The following PATJ variants were observed in gnomAD, a reference collection of about 807,000 sequenced individuals.
PATJ encodes the protein inaD-like protein.
A neutral mutation model predicts 224.9 loss-of-function variants in PATJ; 190 were observed. That is an observed-to-expected ratio of 0.84 (90% CI 0.75 to 0.95). The LOEUF (loss-of-function observed/expected upper bound fraction) is 0.95. Ranked by LOEUF, PATJ falls within the 40% of genes least tolerant of loss-of-function variation. PATJ has a pLI of 0.00. For synonymous variants in PATJ, 769 were observed against 820.3 expected, an observed-to-expected ratio of 0.94 and a Z score of 1.07; for missense variants, 2,121 against 2,270.3, an observed-to-expected ratio of 0.93 and a Z score of 1.34.
chr1:61,894,274 A>AC (rs1386877321), intron 22 of PATJ, among the ~76,000 whole-genome samples: 1 of 147,160 alleles, frequency 6.8e-6, no homozygotes, highest in African/African-American at 2.6e-5. Flanking sequence ...AAAAAACACA[A>AC]AAAAAAAACA....
At chr1:61,806,368 C>G (rs12078688) in intron 13 of PATJ, among the ~76,000 whole-genome samples, 5,137 of 152,138 alleles carry the variant, frequency 0.034, 264 homozygotes, top group African/African-American at 0.1. Flanking sequence ...GCCTGTAATT[C>G]CAGCACTTTG....
At chr1:61,819,405 C>A (rs1486044662) in intron 14 of PATJ, among the ~76,000 whole-genome samples, 1 of 152,086 alleles carries the variant, frequency 6.6e-6, no homozygotes, top group East Asian at 1.9e-4. Context: ...TGTCTACTTA[C>A]CTTTTTGCCT....
chr1:62,099,884 G>T (rs575751481), intron 33 of PATJ, among the ~76,000 whole-genome samples: 100 of 152,222 alleles, frequency 6.6e-4, no homozygotes, highest in African/African-American at 2.3e-3. Flanking sequence ...TGACAATAAG[G>T]TTGCCTTTTG....
chr1:61,973,195 C>T (rs772835160), intron 27 of PATJ, among the ~76,000 whole-genome samples: 1 of 152,012 alleles, frequency 6.6e-6, no homozygotes. Flanking sequence ...TCTGCCTACA[C>T]GAGACAGAAT....
intron 27 of PATJ, among the ~76,000 whole-genome samples, chr1:61,978,545 A>G (rs1198063221): frequency 6.6e-6 from 1 of 152,022 alleles, no homozygotes. Flanking sequence ...GATTACAGGC[A>G]TGAGCCACTG....
chr1:62,102,242 C>T (rs1206572389), intron 33 of PATJ, among the ~76,000 whole-genome samples: 2 of 152,056 alleles, frequency 1.3e-5, no homozygotes, highest in African/African-American at 4.8e-5. Context: ...CTGGTCTTGT[C>T]TGAAGCAGTA....
intron 27 of PATJ, among the ~76,000 whole-genome samples, chr1:61,930,664 C>T (rs1675895021): frequency 6.6e-6 from 1 of 152,042 alleles, no homozygotes; most frequent in Non-Finnish European, 1.5e-5. Context: ...CCTCAGTTTC[C>T]CAAGTAGCTG....
intron 14 of PATJ, among the ~76,000 whole-genome samples, chr1:61,812,581 G>A (rs151136265): frequency 3.1e-4 from 47 of 152,052 alleles, no homozygotes; most frequent in African/African-American, 1.1e-3. Flanking sequence ...AGGCACAGTG[G>A]CTCACACCTG....
chr1:61,792,040 C>A (rs1393944311), intron 9 of PATJ, among the ~76,000 whole-genome samples: 1 of 152,046 alleles, frequency 6.6e-6, no homozygotes, highest in African/African-American at 2.4e-5. Context: ...ATAAACCTTT[C>A]CACAAATATT....
chr1:62,139,399 CAAAAAAAAAAAA>C (rs4019658), intron 41 of PATJ, among the ~76,000 whole-genome samples: 5 of 94,904 alleles, frequency 5.3e-5, no homozygotes, highest in South Asian at 4.6e-4. Flanking sequence ...GACTCCATCT[CAAAAAAAAAAAA>C]AAAAAAAAAA....
In PATJ at chr1:61,805,525, G is replaced by T; in HGVS notation, c.1626+1G>T. 1 of 1,550,322 alleles carries T rather than the reference G, an allele frequency of 6.5e-7. No individual in the cohort carries two copies. The highest frequency in any genetic ancestry group is 8.9e-7 in the Non-Finnish European group (1 of 1,122,528). On this transcript the variant is annotated splice_donor_variant, in intron 13 of 43. Transcript: ENST00000642238. LOFTEE classifies it high-confidence loss of function. The stretch of plus-strand genomic sequence containing the variant: ...GTTGGGTCCTGATTATGAAGTAATG[G>T]TATGTTAAAATGCTCTAATAAAAAA...
rs79099415 is a variant in PATJ, at chr1:62,028,820, A to G, written c.3960-9157A>G. On this transcript the variant is annotated intron_variant, in intron 29 of 43. Coordinates refer to ENST00000642238, the MANE Select transcript of PATJ (RefSeq NM_001350145.3). ...AAAGAAAAGAAAAGCCAGAAATGGT[A>G]GCCTGTACCTGTAGTCCCAGCTATT... Among the ~76,000 whole-genome samples, 264 of 151,906 alleles carry G rather than the reference A, an allele frequency of 1.7e-3. 2 individuals carry two copies. In the East Asian group the frequency reaches 0.047, roughly 27 times the overall value.
intron 29 of PATJ, among the ~76,000 whole-genome samples, chr1:62,020,705 T>A (rs896918327): frequency 6.6e-6 from 1 of 152,256 alleles, no homozygotes; most frequent in Non-Finnish European, 1.5e-5. Flanking sequence ...TTACTGGAAG[T>A]GATTTTAAGC....
intron 27 of PATJ, among the ~76,000 whole-genome samples, chr1:61,937,650 CT>C (rs370155855): frequency 0.048 from 6,451 of 133,032 alleles, 502 homozygotes; most frequent in African/African-American, 0.16. Flanking sequence ...CTTTCTTCTT[CT>C]TTTTTTTTTT....
chr1:61,942,642 C>T (rs1677992842), intron 27 of PATJ, among the ~76,000 whole-genome samples: 1 of 151,932 alleles, frequency 6.6e-6, no homozygotes, highest in South Asian at 2.1e-4. Flanking sequence ...CCTCTGCCTC[C>T]CGGGTTTAAG....
At chr1:62,020,330 A>G (rs1189026265) in intron 29 of PATJ, among the ~76,000 whole-genome samples, 5 of 152,230 alleles carry the variant, frequency 3.3e-5, no homozygotes, top group Non-Finnish European at 1.5e-5. Context: ...GGCTGCTACC[A>G]CAAGAGCTGT....
chr1:61,792,473 T>C (rs761183535), intron 9 of PATJ, among the ~76,000 whole-genome samples: 20 of 152,324 alleles, frequency 1.3e-4, no homozygotes, highest in African/African-American at 4.3e-4. Context: ...ATTTAATGTT[T>C]ATATTACTGG....
intron 31 of PATJ, among the ~76,000 whole-genome samples, chr1:62,058,790 G>A (rs1654952024): frequency 6.6e-6 from 1 of 152,196 alleles, no homozygotes; most frequent in Admixed American, 6.5e-5. Flanking sequence ...CTAGGCATGT[G>A]AAGATAAGTA....
chr1:62,138,774 C>T (rs1213244759), intron 41 of PATJ, among the ~76,000 whole-genome samples: 2 of 152,234 alleles, frequency 1.3e-5, no homozygotes, highest in South Asian at 2.1e-4. Context: ...AGCTGCAGAT[C>T]TTAGGATTGG....
Sources: allele counts gnomAD v4.1 joint callset (sites outside exome capture counted in the v4.1 genomes callset), GRCh38; gene constraint gnomAD v4.1.1; transcripts MANE v1.5; gene names NCBI Gene and HGNC (gene_info 2026-07-23, HGNC 2026-07-21).